ROBO1: variants seen among roughly 807,000 people sequenced by gnomAD.
ROBO1 encodes the protein roundabout homolog 1.
A neutral mutation model predicts 195.9 loss-of-function variants in ROBO1; 149 were observed. The observed-to-expected ratio is 0.76, with a 90% CI of 0.67 to 0.87. ROBO1 has a LOEUF of 0.87. Among genes scored for constraint, ROBO1 ranks in the 40% least tolerant of loss-of-function variants. ROBO1 has a pLI of 0.00. For missense variants in ROBO1, 1,933 were observed against 2,068.3 expected (o/e 0.93, Z 1.27); for synonymous variants, 816 against 733.2 (o/e 1.11, Z -1.82).
At chr3:78,718,278 A>G (rs1453593449) in intron 5 of ROBO1, among the ~76,000 whole-genome samples, 1 of 152,232 alleles carries the variant, frequency 6.6e-6, no homozygotes, top group African/African-American at 2.4e-5. Flanking sequence ...TTAATATAGA[A>G]ATATGTATTA....
chr3:79,554,567 C>A (rs1373968667), intron 2 of ROBO1, among the ~76,000 whole-genome samples: 1 of 151,978 alleles, frequency 6.6e-6, no homozygotes, highest in East Asian at 1.9e-4. Context: ...TGATCCATAT[C>A]TTGGCAATCA....
At chr3:79,205,737 T>C (rs1403263362) in intron 2 of ROBO1, among the ~76,000 whole-genome samples, 7 of 152,184 alleles carry the variant, frequency 4.6e-5, no homozygotes, top group Admixed American at 4.6e-4. Context: ...TGAGATCCAC[T>C]GAAGTCTACA....
intron 4 of ROBO1, among the ~76,000 whole-genome samples, chr3:78,843,850 C>G (rs331159): frequency 0.97 from 147,039 of 152,106 alleles, 71,129 homozygotes; most frequent in East Asian, 1. Flanking sequence ...TCAATTAAGT[C>G]AAAGAATATG....
intron 5 of ROBO1, among the ~76,000 whole-genome samples, chr3:78,746,068 G>A (rs1172521369): frequency 6.6e-6 from 1 of 152,174 alleles, no homozygotes; most frequent in Non-Finnish European, 1.5e-5. Flanking sequence ...AGGGCTTGGT[G>A]ACTGAGGTGC....
At chr3:78,986,779 C>G (rs4680947) in intron 3 of ROBO1, among the ~76,000 whole-genome samples, 150,000 of 152,156 alleles carry the variant, frequency 0.99, 73,951 homozygotes, top group East Asian at 1. Flanking sequence ...CTGGGGTTGA[C>G]GGGGGAAAAA....
intron 2 of ROBO1, among the ~76,000 whole-genome samples, chr3:79,485,988 T>C (rs1939138719): frequency 6.6e-6 from 1 of 152,240 alleles, no homozygotes; most frequent in South Asian, 2.1e-4. Context: ...CACAGCCTTA[T>C]GTATAGACTT....
At position 79,254,114 on chromosome 3, in the gene ROBO1, G is replaced by A. The variant is rs76465194; in HGVS notation, c.89-128575C>T. On this transcript the variant is annotated intron_variant, in intron 2 of 30. Coordinates refer to ENST00000464233, the MANE Select transcript of ROBO1 (RefSeq NM_002941.4). ...TCTCTGGAAAATCATTCTAACATATGTTCAAAACAGCTATCTCTGCAATGA... is the reference window on the plus strand; with the variant it reads ...TCTCTGGAAAATCATTCTAACATATATTCAAAACAGCTATCTCTGCAATGA... 1.7e-4 allele frequency among the ~76,000 whole-genome samples: 26 copies of A among 152,132 alleles called. No homozygotes were observed. The East Asian group carries it at 5.0e-3, about 29-fold the overall frequency.
intron 4 of ROBO1, among the ~76,000 whole-genome samples, chr3:78,930,948 TA>T (rs1014818242): frequency 2.0e-5 from 3 of 152,202 alleles, no homozygotes; most frequent in African/African-American, 7.2e-5. Context: ...CAGCTCTGAC[TA>T]AATTCCTTCC....
At chr3:79,536,535 A>T (rs927392458) in intron 2 of ROBO1, among the ~76,000 whole-genome samples, 1 of 152,188 alleles carries the variant, frequency 6.6e-6, no homozygotes, top group Non-Finnish European at 1.5e-5. Flanking sequence ...GATCAAATTT[A>T]TGTATTAATT....
At chr3:79,110,096 G>A (rs770623756) in intron 3 of ROBO1, among the ~76,000 whole-genome samples, 48 of 151,984 alleles carry the variant, frequency 3.2e-4, no homozygotes, top group Admixed American at 1.7e-3. Context: ...TTTCTCACTC[G>A]GTCCCTTCAG....
At chr3:79,197,987 C>T (rs116561308) in intron 2 of ROBO1, among the ~76,000 whole-genome samples, 3,163 of 151,298 alleles carry the variant, frequency 0.021, 57 homozygotes, top group Middle Eastern at 0.024. Context: ...ATCTGTAGGG[C>T]GCCTGTTCAC....
chr3:78,655,662 C>G (rs970098825), intron 18 of ROBO1, among the ~76,000 whole-genome samples: 8 of 152,098 alleles, frequency 5.3e-5, no homozygotes, highest in Admixed American at 1.3e-4. Flanking sequence ...ATGTGAAGTT[C>G]TTTATGTATA....
chr3:79,619,576 G>A (rs759303764), intron 1 of ROBO1, among the ~76,000 whole-genome samples: 23 of 151,942 alleles, frequency 1.5e-4, no homozygotes, highest in Non-Finnish European at 2.8e-4. Context: ...TTTGTTCCAC[G>A]ACTAGCTCTC....
intron 4 of ROBO1, among the ~76,000 whole-genome samples, chr3:78,905,190 T>C (rs917218220): frequency 6.6e-6 from 1 of 152,166 alleles, no homozygotes; most frequent in Non-Finnish European, 1.5e-5. Context: ...CTGGCATACT[T>C]CTTCCTAAGG....
intron 2 of ROBO1, among the ~76,000 whole-genome samples, chr3:79,571,541 A>T (rs1158489026): frequency 6.6e-6 from 1 of 152,108 alleles, no homozygotes; most frequent in African/African-American, 2.4e-5. Flanking sequence ...AGAGGAAAGG[A>T]CTTATCTAAA....
Position 78,710,173 on chromosome 3 carries a change from T to G in ROBO1, c.1045+4224A>C, listed in dbSNP as rs547196374. Among the ~76,000 whole-genome samples, 24 of 152,232 alleles carry G rather than the reference T, an allele frequency of 1.6e-4. 1 individual carries two copies. The highest frequency in any genetic ancestry group is 1.4e-3 in the Admixed American group (21 of 15,286). ...AAACTTCCCACTCGTGGACTCAAGC[T>G]GTTTTCCTGCCTCAGCCCCCCATGT... On this transcript the variant is annotated intron_variant, in intron 8 of 30. Transcript: ENST00000464233.
intron 2 of ROBO1, among the ~76,000 whole-genome samples, chr3:79,525,964 A>G (rs1294056645): frequency 6.6e-6 from 1 of 152,134 alleles, no homozygotes; most frequent in Admixed American, 6.6e-5. Flanking sequence ...TTTCTCTCTT[A>G]AAGATAAGAG....
At chr3:79,019,477 A>C (rs1018358841) in intron 3 of ROBO1, 10 of 986,028 alleles carry the variant, frequency 1.0e-5, no homozygotes, top group Non-Finnish European at 1.2e-5. Flanking sequence ...GGTTTCCCCC[A>C]CAGTCCCCGC....
At chr3:79,178,897 T>C (rs1381385842) in intron 2 of ROBO1, among the ~76,000 whole-genome samples, 1 of 152,202 alleles carries the variant, frequency 6.6e-6, no homozygotes, top group East Asian at 1.9e-4. Flanking sequence ...TAAGACACTG[T>C]CTTTTAAAAA....
Sources: gnomAD v4.1 joint callset for allele counts (sites outside exome capture counted in the v4.1 genomes callset) on GRCh38, gnomAD v4.1.1 for gene constraint, MANE v1.5 for transcripts, NCBI Gene and HGNC (gene_info 2026-07-23, HGNC 2026-07-21) for gene names.